The following FRYL variants were observed in gnomAD, a reference collection of about 807,000 sequenced individuals.
FRYL encodes protein furry homolog-like.
In FRYL, 150 loss-of-function variants were observed where a neutral mutation model predicts 351.2. The observed-to-expected ratio is 0.43, with a 90% CI of 0.37 to 0.49. The LOEUF (loss-of-function observed/expected upper bound fraction) is 0.49. FRYL is among the 20% of genes least tolerant of loss of function. FRYL has a pLI of 0.00. For missense variants in FRYL, 3,036 were observed against 3,619.3 expected (o/e 0.84, Z 4.13); for synonymous variants, 1,153 against 1,257.1 (o/e 0.92, Z 1.75).
chr4:48,630,272 G>C (rs1407083176), intron 4 of FRYL, among the ~76,000 whole-genome samples: 1 of 152,096 alleles, frequency 6.6e-6, no homozygotes, highest in East Asian at 1.9e-4. Context: ...AATATAACAA[G>C]TTAAAATAAA....
intron 3 of FRYL, among the ~76,000 whole-genome samples, chr4:48,650,206 A>C (rs758683799): frequency 6.6e-5 from 10 of 152,204 alleles, no homozygotes; most frequent in Non-Finnish European, 1.5e-4. Context: ...CATCAGTAGC[A>C]TAATATTAAT....
chr4:48,613,059 AT>A (rs1208216769), intron 7 of FRYL, among the ~76,000 whole-genome samples: 3 of 152,192 alleles, frequency 2.0e-5, no homozygotes, highest in African/African-American at 7.2e-5. Context: ...ATTTTCTTAA[AT>A]TTTGGAATAT....
intron 60 of FRYL, among the ~76,000 whole-genome samples, chr4:48,504,782 G>A (rs6827019): frequency 0.25 from 38,091 of 151,956 alleles, 5,566 homozygotes; most frequent in African/African-American, 0.39. Flanking sequence ...AACACTTAGC[G>A]AGTATACTAT....
At chr4:48,767,135 C>T (rs1775042186) in intron 1 of FRYL, among the ~76,000 whole-genome samples, 2 of 151,654 alleles carry the variant, frequency 1.3e-5, no homozygotes, top group Non-Finnish European at 2.9e-5. Context: ...ATATTTAAGG[C>T]TTATAATTCT....
intron 4 of FRYL, among the ~76,000 whole-genome samples, chr4:48,628,336 G>A (rs1752255825): frequency 6.6e-6 from 1 of 151,602 alleles, no homozygotes; most frequent in African/African-American, 2.4e-5. Context: ...AATTTATATT[G>A]GCTGATACAT....
chr4:48,514,075 T>C (rs950877953), intron 56 of FRYL, among the ~76,000 whole-genome samples: 2 of 152,198 alleles, frequency 1.3e-5, no homozygotes, highest in Non-Finnish European at 2.9e-5. Flanking sequence ...TCTTGATATG[T>C]TGATGGTAAA....
chr4:48,520,789 G>T, intron 55 of FRYL: 1 of 330,778 alleles, frequency 3.0e-6, no homozygotes, highest in Non-Finnish European at 5.5e-6. Context: ...AGAAGCGTCT[G>T]TACATTAACC....
chr4:48,522,614 C>G (rs1725148283), intron 54 of FRYL, among the ~76,000 whole-genome samples: 1 of 152,148 alleles, frequency 6.6e-6, no homozygotes, highest in South Asian at 2.1e-4. Context: ...CACATTGATA[C>G]CAAAAATATG....
chr4:48,730,216 C>G (rs1325090549), intron 1 of FRYL, among the ~76,000 whole-genome samples: 3 of 152,000 alleles, frequency 2.0e-5, no homozygotes, highest in African/African-American at 4.8e-5. Flanking sequence ...ACAAAACCTC[C>G]AAGAAAATAT....
chr4:48,540,186 C>T (rs138696953), intron 46 of FRYL, 118 bp from the exon 47 acceptor site: 51 of 1,132,362 alleles, frequency 4.5e-5, no homozygotes, highest in African/African-American at 3.8e-4. Context: ...CTGGGATATT[C>T]GATCTTCTAA....
At position 48,651,213 on chromosome 4, in the gene FRYL, C is replaced by CGT. The variant is rs10604700; in HGVS notation, c.-80-16725_-80-16724dup. 9.5e-3 allele frequency among the ~76,000 whole-genome samples: 1,000 copies of CGT among 104,944 alleles called. 31 individuals are homozygous for CGT. Among genetic ancestry groups the CGT allele is most frequent in the Middle Eastern group, 0.025 (5 of 200 alleles). 68.8% of individuals were successfully genotyped at this position (104,944 alleles called of 152,430 possible). ...CCTGAGTAGCTGGGACCACATGCAC[C>CGT]GTGTGTGTGTGTGTGTGTGTGTGTG... On this transcript the variant is annotated intron_variant, in intron 3 of 63. Coordinates refer to ENST00000358350, the MANE Select transcript of FRYL (RefSeq NM_015030.2).
intron 3 of FRYL, among the ~76,000 whole-genome samples, chr4:48,677,435 G>C (rs918553848): frequency 2.0e-5 from 3 of 151,206 alleles, no homozygotes; most frequent in Non-Finnish European, 4.4e-5. Context: ...TTTTGAGACA[G>C]AGTCTCTCTC....
At chr4:48,534,055 A>AT (rs1728333201) in intron 49 of FRYL, among the ~76,000 whole-genome samples, 1 of 152,000 alleles carries the variant, frequency 6.6e-6, no homozygotes, top group Non-Finnish European at 1.5e-5. Context: ...GGTGAAACCT[A>AT]TCTCTACTAA....
intron 3 of FRYL, among the ~76,000 whole-genome samples, chr4:48,656,160 T>TTATACATTATATAATGTATAGTTATA (rs1401919845): frequency 5.2e-5 from 7 of 135,316 alleles, no homozygotes; most frequent in Non-Finnish European, 9.1e-5. Context: ...ACGTATATAA[T>TTATACATTATATAATGTATAGTTATA]TATACATTAT....
intron 2 of FRYL, among the ~76,000 whole-genome samples, chr4:48,689,247 A>T (rs1336950925): frequency 6.6e-6 from 1 of 152,206 alleles, no homozygotes; most frequent in Non-Finnish European, 1.5e-5. Flanking sequence ...TTTTCCATTC[A>T]CAATTTTAAG....
Position 48,594,303 on chromosome 4 carries a change from G to A in FRYL, c.1249-287C>T, listed in dbSNP as rs569764496. On this transcript the variant is annotated intron_variant, in intron 15 of 63. Transcript: ENST00000358350. ...GTGAAAGAATTCCCAGGGTGACAAT[G>A]AAAGGAAGTCCCAAGACAATAGCCA... Among the ~76,000 whole-genome samples the A allele has an allele frequency of 2.7e-3, 413 of 152,108 alleles. 3 individuals carry two copies. Among genetic ancestry groups the A allele is most frequent in the African/African-American group, 9.1e-3 (376 of 41,498 alleles).
intron 40 of FRYL, 28 bp from the exon 41 acceptor site, chr4:48,547,797 C>A (rs1005343907): frequency 7.4e-7 from 1 of 1,343,682 alleles, no homozygotes; most frequent in Non-Finnish European, 9.8e-7. Flanking sequence ...GAAACATTAT[C>A]AATAAAGAGA....
chr4:48,771,777 C>CATG (rs58682247), intron 1 of FRYL, among the ~76,000 whole-genome samples: 76,635 of 151,678 alleles, frequency 0.51, 19,731 homozygotes, highest in South Asian at 0.61. Flanking sequence ...CCCAGAAGAA[C>CATG]ATGCTGTCAT....
In FRYL at chr4:48,531,364, A is replaced by G. The variant is rs761018167; in HGVS notation, c.6706-11T>C. Reference sequence around the variant, plus strand: ...CTTCCAGTAAGGACTCTGGTTTAAAAAATAATTGACACGTAAAAGTTACAA... The same window carrying G: ...CTTCCAGTAAGGACTCTGGTTTAAAGAATAATTGACACGTAAAAGTTACAA... On this transcript the variant is annotated splice_polypyrimidine_tract_variant and intron_variant, in intron 49 of 63. Coordinates refer to ENST00000358350, the MANE Select transcript of FRYL (RefSeq NM_015030.2). The G allele has an allele frequency of 4.4e-6, 7 of 1,591,550 alleles. No homozygotes were observed. The African/African-American group carries it at 6.7e-5, about 15-fold the overall frequency.
Sources: allele counts gnomAD v4.1 joint callset (sites outside exome capture counted in the v4.1 genomes callset), GRCh38; gene constraint gnomAD v4.1.1; transcripts MANE v1.5; gene names NCBI Gene and HGNC (gene_info 2026-07-23, HGNC 2026-07-21).